The following BTBD10 variants were observed in gnomAD, a reference collection of about 807,000 sequenced individuals.
BTBD10 encodes BTB/POZ domain-containing protein 10.
In BTBD10, 21 loss-of-function variants were observed where a neutral mutation model predicts 53.2. The ratio of observed to expected loss-of-function variants is 0.39; its 90% CI spans 0.28 to 0.57. BTBD10 has a LOEUF of 0.57. BTBD10 is among the 20% of genes least tolerant of loss of function. The probability of loss-of-function intolerance (pLI) is 0.53; values close to 1 mark genes in which losing one functional copy is unlikely to be tolerated. For missense variants in BTBD10, 360 were observed against 594.7 expected (o/e 0.61, Z 4.10); for synonymous variants, 149 against 192.7 (o/e 0.77, Z 1.88).
chr11:13,397,039 G>A (rs957059707), intron 8 of BTBD10, among the ~76,000 whole-genome samples: 1 of 152,188 alleles, frequency 6.6e-6, no homozygotes, highest in Non-Finnish European at 1.5e-5. Flanking sequence ...TTGGTATCAG[G>A]ATGATGCTGG....
chr11:13,388,852 A>T lies in BTBD10; in HGVS notation c.1407T>A (p.Asp469Glu). 1 of 1,613,438 alleles carries T rather than the reference A, an allele frequency of 6.2e-7. No homozygotes were observed. The highest frequency in any genetic ancestry group is 8.5e-7 in the Non-Finnish European group (1 of 1,179,476). ...AGCATCACAGCATTGGATTCTGTGC[A>T]TCAGGATCGAGGTCACTGTTGCCAG... ...PPSGNSDLDP[D>E]AQNPML Residue 469 changes from aspartate (D) to glutamate (E), a missense_variant, in exon 9 of 9, where the codon GAT becomes GAA. Asp to Glu is a conservative substitution (Grantham distance 45). Around this residue, in one of 6 missense-constraint regions of BTBD10, gnomAD observed 25 missense variants for 24.9 expected, o/e 1.00. Coordinates refer to ENST00000278174, the MANE Select transcript of BTBD10 (RefSeq NM_032320.7).
At chr11:13,406,560 T>TGAGAGAGAGAGAGAGA (rs72242186) in intron 6 of BTBD10, among the ~76,000 whole-genome samples, 8 of 141,394 alleles carry the variant, frequency 5.7e-5, no homozygotes, top group African/African-American at 2.1e-4. Context: ...TACGCATGAG[T>TGAGAGAGAGAGAGAGA]GAGAGAGAGA....
intron 6 of BTBD10, among the ~76,000 whole-genome samples, chr11:13,410,837 T>C (rs1949926453): frequency 6.6e-6 from 1 of 151,982 alleles, no homozygotes; most frequent in Admixed American, 6.6e-5. Context: ...GAGCAGAAAC[T>C]ATATGAAGAA....
chr11:13,405,494 C>G, intron 7 of BTBD10, 165 bp downstream of exon 7: 1 of 677,074 alleles, frequency 1.5e-6, no homozygotes, highest in Non-Finnish European at 2.5e-6. Context: ...AACTCTGCCA[C>G]TGTAGCATGA....
rs749688354 is a variant in BTBD10, at chr11:13,420,266, C to G, written c.299-521G>C. Among the ~76,000 whole-genome samples, 2 of 151,656 alleles carry G rather than the reference C, an allele frequency of 1.3e-5. 1 individual carries two copies. On this transcript the variant is annotated intron_variant, in intron 3 of 8. Transcript: ENST00000278174. Reference sequence around the variant, plus strand: ...GCAATTTATCTCAAAAAAAGAAGGTCCCCTTTCCCCCACAAAAAAAGAAAG... The same window carrying G: ...GCAATTTATCTCAAAAAAAGAAGGTGCCCTTTCCCCCACAAAAAAAGAAAG...
At chr11:13,424,268 G>T (rs1432137979) in intron 2 of BTBD10, among the ~76,000 whole-genome samples, 1 of 152,156 alleles carries the variant, frequency 6.6e-6, no homozygotes, top group Non-Finnish European at 1.5e-5. Context: ...TTCAGTTTGA[G>T]TAAGGGCCAA....
chr11:13,388,720 A>G lies in BTBD10; in HGVS notation c.*111T>C. 1 of 1,221,016 alleles carries G rather than the reference A, an allele frequency of 8.2e-7. No individual in the cohort carries two copies. Among genetic ancestry groups the G allele is most frequent in the Non-Finnish European group, 1.1e-6 (1 of 875,318 alleles). 75.6% of individuals were successfully genotyped at this position (1,221,016 alleles called of 1,614,324 possible). Reference sequence around the variant, plus strand: ...AAAAGCCTACACTGCAATATCCTAAACATTGTTATGTGCATCTCACAATGA... The same window carrying G: ...AAAAGCCTACACTGCAATATCCTAAGCATTGTTATGTGCATCTCACAATGA... On this transcript the variant is annotated 3_prime_UTR_variant, in exon 9 of 9. Transcript: ENST00000278174.
chr11:13,423,538 G>C (rs1213222290), intron 2 of BTBD10, among the ~76,000 whole-genome samples: 1 of 152,150 alleles, frequency 6.6e-6, no homozygotes, highest in Non-Finnish European at 1.5e-5. Context: ...GGGTCACACA[G>C]CATTTAGTAG....
chr11:13,459,402 G>A (rs1222301139), intron 1 of BTBD10, among the ~76,000 whole-genome samples: 1 of 152,024 alleles, frequency 6.6e-6, no homozygotes, highest in Non-Finnish European at 1.5e-5. Flanking sequence ...CAGTTTCAAG[G>A]ATCTCAAAGT....
chr11:13,407,143 A>G (rs1949849389), intron 6 of BTBD10, among the ~76,000 whole-genome samples: 3 of 152,172 alleles, frequency 2.0e-5, no homozygotes, highest in African/African-American at 7.2e-5. Flanking sequence ...CTCTGATACC[A>G]TTATCCCTGT....
chr11:13,440,381 T>A, intron 2 of BTBD10: 2 of 895,292 alleles, frequency 2.2e-6, no homozygotes, highest in Non-Finnish European at 2.7e-6. Flanking sequence ...TAGAGATATG[T>A]AGATATGTTG....
chr11:13,401,212 G>C (rs578013852), intron 8 of BTBD10, among the ~76,000 whole-genome samples: 2 of 151,636 alleles, frequency 1.3e-5, no homozygotes, highest in South Asian at 4.2e-4. Flanking sequence ...ATAGTAACTA[G>C]TACTTGTTAT....
In BTBD10 at chr11:13,413,204, C is replaced by A. The variant is rs949545871; in HGVS notation, c.808+326G>T. 3.3e-5 allele frequency among the ~76,000 whole-genome samples: 5 copies of A among 151,918 alleles called. No individual in the cohort carries two copies. In the East Asian group the frequency reaches 7.7e-4, roughly 23 times the overall value. ...GGATGATGTAATCAAAGAAATGCAG[C>A]CAAATGACCACACTTGACCAAAGCC... On this transcript the variant is annotated intron_variant, in intron 6 of 8. Coordinates refer to ENST00000278174, the MANE Select transcript of BTBD10 (RefSeq NM_032320.7).
rs950955054 is a variant in BTBD10 at position 13,440,282 on chromosome 11, G to C, written c.101+4742C>G. ...TTTCTAACAAAACAGCATCGTGTGA[G>C]CTGTGATCGTCCCATTTCTCCATCT... is the stretch of plus-strand genomic sequence containing the variant. On this transcript the variant is annotated intron_variant, in intron 2 of 8. Coordinates refer to ENST00000278174, the MANE Select transcript of BTBD10 (RefSeq NM_032320.7). 5 of 1,182,844 alleles carry C rather than the reference G, an allele frequency of 4.2e-6. No individual in the cohort carries two copies. In the African/African-American group the frequency reaches 8.0e-5, roughly 19 times the overall value. 73.3% of individuals were successfully genotyped at this position (1,182,844 alleles called of 1,614,324 possible). A position where few individuals can be genotyped will look rare whatever the true frequency, so the allele number is the denominator to read the frequency against.
intron 2 of BTBD10, among the ~76,000 whole-genome samples, chr11:13,442,034 C>T (rs566480224): frequency 1.0e-3 from 156 of 152,208 alleles, no homozygotes; most frequent in African/African-American, 3.5e-3. Flanking sequence ...ACTACAATAT[C>T]CACCTTGTGA....
intron 2 of BTBD10, among the ~76,000 whole-genome samples, chr11:13,423,222 T>C (rs2080542959): frequency 6.6e-6 from 1 of 152,172 alleles, no homozygotes; most frequent in African/African-American, 2.4e-5. Context: ...TAGCATATAA[T>C]ATGGTTCAAA....
chr11:13,435,854 G>C (rs1476460719), intron 2 of BTBD10, among the ~76,000 whole-genome samples: 1 of 152,096 alleles, frequency 6.6e-6, no homozygotes, highest in Non-Finnish European at 1.5e-5. Context: ...AATGACCTTT[G>C]AAAACACAAC....
At chr11:13,401,400 C>T (rs10500780) in intron 8 of BTBD10, among the ~76,000 whole-genome samples, 1 of 151,926 alleles carries the variant, frequency 6.6e-6, no homozygotes, top group African/African-American at 2.4e-5. Flanking sequence ...AGGAACTAGA[C>T]CACATGTTAG....
intron 8 of BTBD10, among the ~76,000 whole-genome samples, chr11:13,397,002 C>CT (rs1325704665): frequency 6.6e-6 from 1 of 152,116 alleles, no homozygotes; most frequent in Non-Finnish European, 1.5e-5. Context: ...CTAAAATTCT[C>CT]TTTTCTGGTT....
Sources: gnomAD v4.1 joint callset for allele counts (sites outside exome capture counted in the v4.1 genomes callset) on GRCh38, gnomAD v4.1.1 for gene constraint, gnomAD v4.1.1 regional missense constraint, MANE v1.5 for transcripts, NCBI Gene and HGNC (gene_info 2026-07-23, HGNC 2026-07-21) for gene names.